Variants in RDX observed in about 807,000 individuals in gnomAD.
The protein encoded by RDX is radixin, also known as deafness, autosomal recessive 24.
In RDX, 32 loss-of-function variants were observed where a neutral mutation model predicts 83.7. The observed-to-expected ratio is 0.38, with a 90% CI of 0.29 to 0.51. The LOEUF is 0.51. Among genes scored for constraint, RDX ranks in the 20% least tolerant of loss-of-function variants. RDX has a pLI of 0.87. For synonymous variants in RDX, 229 were observed against 222.7 expected, an observed-to-expected ratio of 1.03 and a Z score of -0.25; for missense variants, 600 against 689.9, an observed-to-expected ratio of 0.87 and a Z score of 1.46.
Position 110,237,624 on chromosome 11 carries a change from T to C in RDX, c.1119A>G (p.Leu373=), listed in dbSNP as rs1218657745. Residue 373 remains leucine (L), a synonymous_variant, in exon 11 of 14, where the codon CTA becomes CTG. Transcript: ENST00000645495. ...KELEEQTRKA[L]ELDQERKRAK... is the part of the protein sequence containing the mutation. The stretch of plus-strand genomic sequence containing the variant: ...CTCGTTTTCGTTCTTGATCCAGTTC[T>C]AGAGCTTTTCGAGTCTGTTCTTCTA... 23 of 1,614,194 alleles carry C rather than the reference T, an allele frequency of 1.4e-5. No individual in the cohort carries two copies. The highest frequency in any genetic ancestry group is 1.6e-4 in the Middle Eastern group (1 of 6,062).
chr11:110,189,208 A>G (rs1353371373), intron 15 of RDX, among the ~76,000 whole-genome samples: 2 of 145,596 alleles, frequency 1.4e-5, no homozygotes, highest in Non-Finnish European at 3.0e-5. Flanking sequence ...CAATAGTTTT[A>G]TATCAGATAA....
chr11:110,238,903 C>T (rs759978756), intron 10 of RDX, among the ~76,000 whole-genome samples: 7 of 144,806 alleles, frequency 4.8e-5, no homozygotes, highest in African/African-American at 1.0e-4. Flanking sequence ...CCAGCCTGGG[C>T]GACGGAGCAA....
At chr11:110,257,037 G>GT (rs34794259) in intron 7 of RDX, among the ~76,000 whole-genome samples, 70,778 of 151,556 alleles carry the variant, frequency 0.47, 17,007 homozygotes, top group East Asian at 0.61. Context: ...TAAGACAATT[G>GT]AGTTATTAAT....
At chr11:110,272,662 T>C (rs368951981) in intron 2 of RDX, 43 bp from the exon 3 acceptor site, 5 of 1,333,196 alleles carry the variant, frequency 3.8e-6, no homozygotes, top group Admixed American at 1.8e-5. Flanking sequence ...AGAGAAGTTA[T>C]TAGGCGTGAG....
chr11:110,289,232 C>T (rs999115254), intron 1 of RDX, among the ~76,000 whole-genome samples: 1 of 122,108 alleles, frequency 8.2e-6, no homozygotes, highest in South Asian at 2.8e-4. Context: ...GAGCAAAACT[C>T]TATCTCAAAA....
chr11:110,183,918 T>A (rs1176417417), intron 15 of RDX, among the ~76,000 whole-genome samples: 4 of 152,258 alleles, frequency 2.6e-5, no homozygotes, highest in African/African-American at 9.6e-5. Context: ...TGCTTAGGAC[T>A]AGGCCGTGCT....
rs373928621 is a variant in RDX, at chr11:110,236,076, C to A, written c.1344+23G>T. 1.2e-5 allele frequency: 18 copies of A among 1,505,814 alleles called. No individual in the cohort carries two copies. In the African/African-American group the frequency reaches 2.2e-4, roughly 18 times the overall value. The allele number at this position is 1,505,814 out of a possible 1,614,324, so 93.3% of individuals were successfully genotyped here. A position where few individuals can be genotyped will look rare whatever the true frequency, so the allele number is the denominator to read the frequency against. On this transcript the variant is annotated intron_variant, in intron 12 of 13. Transcript: ENST00000645495. ...GGGTATAAAAGCTATTCAATAAAAG[C>A]TAGTAAATGAATAAATGATTACTTT... is the stretch of plus-strand genomic sequence containing the variant.
intron 9 of RDX, among the ~76,000 whole-genome samples, chr11:110,248,138 T>A (rs143188913): frequency 6.6e-6 from 1 of 152,098 alleles, no homozygotes. Flanking sequence ...ATAGTGTACA[T>A]TGCTCGAGTG....
intron 4 of RDX, 95 bp from the exon 5 acceptor site, chr11:110,264,329 G>T (rs1396964939): frequency 1.3e-5 from 11 of 826,360 alleles, no homozygotes; most frequent in Non-Finnish European, 1.9e-5. Context: ...AAAATGAAGT[G>T]AAATAGATTC....
chr11:110,211,274 G>T (rs572210215), intron 14 of RDX, among the ~76,000 whole-genome samples: 2 of 152,328 alleles, frequency 1.3e-5, no homozygotes, highest in South Asian at 2.1e-4. Context: ...AATTCAGCAA[G>T]AAGAGCTAAC....
chr11:110,245,274 T>C (rs957640872), intron 10 of RDX, among the ~76,000 whole-genome samples: 7 of 152,030 alleles, frequency 4.6e-5, no homozygotes, highest in African/African-American at 1.7e-4. Flanking sequence ...TTTTAAAAAA[T>C]AAAACTATAA....
chr11:110,293,261 T>G (rs1374090026), intron 1 of RDX, among the ~76,000 whole-genome samples: 2 of 152,220 alleles, frequency 1.3e-5, no homozygotes, highest in African/African-American at 2.4e-5. Flanking sequence ...CGACAGCAGC[T>G]ACCTATGGAA....
intron 15 of RDX, among the ~76,000 whole-genome samples, chr11:110,194,035 C>A (rs563705959): frequency 6.6e-6 from 1 of 152,236 alleles, no homozygotes; most frequent in African/African-American, 2.4e-5. Context: ...TTGAAGGCAG[C>A]GGCCCACGCT....
chr11:110,210,385 G>A (rs1199523863), intron 14 of RDX, among the ~76,000 whole-genome samples: 2 of 121,754 alleles, frequency 1.6e-5, no homozygotes, highest in Admixed American at 7.9e-5. Flanking sequence ...AAAGTGATGG[G>A]GAGAATGGAA....
chr11:110,233,158 C>A, intron 13 of RDX, 79 bp downstream of exon 13: 3 of 1,568,126 alleles, frequency 1.9e-6, no homozygotes, highest in South Asian at 2.2e-5. Flanking sequence ...CTTCTATATT[C>A]TTTTTAACTA....
At chr11:110,248,450 C>T (rs1859204170) in intron 9 of RDX, among the ~76,000 whole-genome samples, 1 of 151,862 alleles carries the variant, frequency 6.6e-6, no homozygotes, top group South Asian at 2.1e-4. Flanking sequence ...TGTGGGTTCA[C>T]AATAAAGACC....
At chr11:110,286,694 G>A (rs1422379152) in intron 1 of RDX, among the ~76,000 whole-genome samples, 1 of 151,998 alleles carries the variant, frequency 6.6e-6, no homozygotes. Context: ...CATAATTGTG[G>A]TCTCTCCAGA....
chr11:110,207,083 C>G lies in RDX; in HGVS notation c.1749-7405G>C, dbSNP rs144426083. Among the ~76,000 whole-genome samples, 965 of 152,262 alleles carry G rather than the reference C, an allele frequency of 6.3e-3. 11 individuals carry two copies. The highest frequency in any genetic ancestry group is 0.021 in the African/African-American group (869 of 41,530). Reference sequence around the variant, plus strand: ...CACCTCCTGAGGTTCAGCCAATTCTCAAGCCTCAGCCCCCCTAGTAGCCAG... The same window carrying G: ...CACCTCCTGAGGTTCAGCCAATTCTGAAGCCTCAGCCCCCCTAGTAGCCAG... On this transcript the variant is annotated intron_variant, in intron 14 of 15. Transcript: ENST00000528498.
chr11:110,189,213 A>G (rs1863050847), intron 15 of RDX, among the ~76,000 whole-genome samples: 1 of 147,226 alleles, frequency 6.8e-6, no homozygotes, highest in Admixed American at 6.8e-5. Flanking sequence ...GTTTTATATC[A>G]GATAAAACAA....
Sources: allele counts gnomAD v4.1 joint callset (sites outside exome capture counted in the v4.1 genomes callset), GRCh38; gene constraint gnomAD v4.1.1; transcripts MANE v1.5; gene names NCBI Gene and HGNC (gene_info 2026-07-23, HGNC 2026-07-21).